Variants in SLC35B2 observed in about 807,000 individuals in gnomAD.
SLC35B2 encodes adenosine 3'-phospho 5'-phosphosulfate transporter 1.
A neutral mutation model predicts 37.9 loss-of-function variants in SLC35B2; 19 were observed. The observed-to-expected ratio is 0.50, with a 90% CI of 0.35 to 0.74. The LOEUF is 0.74. Ranked by LOEUF, SLC35B2 falls within the 30% of genes least tolerant of loss-of-function variation. SLC35B2 has a pLI of 0.01. For synonymous variants in SLC35B2, 277 were observed against 225.2 expected (o/e 1.23, Z -2.06); for missense variants, 633 against 547.6 (o/e 1.16, Z -1.56).
intron 1 of SLC35B2, chr6:44,257,087 C>T: frequency 1.6e-6 from 1 of 630,290 alleles, no homozygotes; most frequent in Non-Finnish European, 2.6e-6. Flanking sequence ...TCCCCGGGGG[C>T]GGATCCGCCC....
At position 44,256,836 on chromosome 6, in the gene SLC35B2, C is replaced by G. The variant is rs766154166; in HGVS notation, c.54G>C (p.Gly18=). The change falls in exon 2 of 4, where the codon GGG becomes GGC. Residue 18 remains glycine, a synonymous_variant. Transcript: ENST00000393812. Reference sequence around the variant, plus strand: ...GGGCTTCGGGAGTCTCCCCACCTGCCCCTAGGGAGGGGAACGCAGCCAGCA... The same window carrying G: ...GGGCTTCGGGAGTCTCCCCACCTGCGCCTAGGGAGGGGAACGCAGCCAGCA... ...VVVLAAFPSL[G]AGGETPEAPP... 6.2e-7 allele frequency: 1 copy of G among 1,611,980 alleles called. No individual in the cohort carries two copies. The highest frequency in any genetic ancestry group is 1.3e-5 in the African/African-American group (1 of 74,764).
rs1781681224 is a variant in SLC35B2 at position 44,257,380 on chromosome 6, G to C, written c.11+20C>G. On this transcript the variant is annotated intron_variant, in intron 1 of 3. Transcript: ENST00000393812. The stretch of plus-strand genomic sequence containing the variant: ...CCCGGGGGCTCGGTCACGTGAGCTC[G>C]CTGCTGCCCTAGCCCCCACCTGGCG... The C allele has an allele frequency of 3.8e-6, 5 of 1,308,210 alleles. No individual in the cohort carries two copies. Among genetic ancestry groups the C allele is most frequent in the Non-Finnish European group, 4.9e-6 (5 of 1,021,660 alleles). The allele number at this position is 1,308,210 out of a possible 1,614,324, so 81.0% of individuals were successfully genotyped here. A position where few individuals can be genotyped will look rare whatever the true frequency, so the allele number is the denominator to read the frequency against.
rs1458014715 is a variant in SLC35B2, at chr6:44,255,275, T to C, written c.730A>G (p.Thr244Ala). The change falls in exon 4 of 4, where the codon ACC (threonine) becomes GCC (alanine). Residue 244 changes from threonine to alanine, a missense_variant. Physicochemically the swap from Thr to Ala is moderately conservative, Grantham distance 58. Transcript: ENST00000393812. ...ATGCTGACCCCAATGGAGATGAGGG[T>C]GGCTGTCAGGTACTCCCAGTGTTCG... Reference protein sequence around the residue: ...SYEHWEYLTATLISIGVSMFL... With the variant: ...SYEHWEYLTAALISIGVSMFL... 6.2e-7 allele frequency: 1 copy of C among 1,614,142 alleles called. No homozygotes were observed. Among genetic ancestry groups the C allele is most frequent in the Admixed American group, 1.7e-5 (1 of 60,022 alleles).
At chr6:44,255,787 C>T (rs1781374386) in intron 3 of SLC35B2, 143 bp from the exon 4 acceptor site, 4 of 786,076 alleles carry the variant, frequency 5.1e-6, no homozygotes, top group South Asian at 1.9e-5. Context: ...GAAGTTTCTT[C>T]TCCCCTCCTA....
chr6:44,255,161 C>T lies in SLC35B2; in HGVS notation c.844G>A (p.Asp282Asn). Residue 282 changes from aspartate to asparagine, a missense_variant, in exon 4 of 4, where the codon GAC (aspartate) becomes AAC (asparagine). Transcript: ENST00000393812. ...TCCTGCCAGTTTGAGGTGAAGCTGTCAAAAGCAATATAACCTGCCAGTAAG... is the reference window on the plus strand; with the variant it reads ...TCCTGCCAGTTTGAGGTGAAGCTGTTAAAAGCAATATAACCTGCCAGTAAG... ...LILLAGYIAF[D>N]SFTSNWQDAL... 5.0e-6 allele frequency: 8 copies of T among 1,614,204 alleles called. No individual in the cohort carries two copies. Among genetic ancestry groups the T allele is most frequent in the Non-Finnish European group, 6.8e-6 (8 of 1,180,038 alleles).
At position 44,256,388 on chromosome 6, in the gene SLC35B2, G is replaced by C; in HGVS notation, c.314C>G (p.Pro105Arg). Reference protein sequence around the residue: ...APRTEAAETTPMWQALKLLFC... With the variant: ...APRTEAAETTRMWQALKLLFC... ...GAGCAGCTTCAGGGCCTGCCACATC[G>C]GGGTGGTCTCTGCCGCCTCTGTTCG... The change falls in exon 3 of 4, where the codon CCG becomes CGG. Residue 105 changes from proline (P) to arginine (R), a missense_variant. By Grantham distance (103) the Pro-to-Arg change is moderately radical. Coordinates refer to ENST00000393812, the MANE Select transcript of SLC35B2 (RefSeq NM_178148.4). 1 of 1,614,142 alleles carries C rather than the reference G, an allele frequency of 6.2e-7. No homozygotes were observed.
intron 3 of SLC35B2, 121 bp downstream of exon 3, chr6:44,256,221 G>A (rs943783578): frequency 5.7e-5 from 74 of 1,299,404 alleles, no homozygotes; most frequent in Admixed American, 2.3e-4. Context: ...GTGTGCCCCT[G>A]GGAGGAGGAC....
chr6:44,254,780 C>T lies in SLC35B2; in HGVS notation c.1225G>A (p.Val409Ile). Residue 409 changes from valine to isoleucine, a missense_variant, in exon 4 of 4, where the codon GTC becomes ATC. Val to Ile is a conservative substitution (Grantham distance 29). Transcript: ENST00000393812. ...AVVFAALLLR[V>I]YARGRLKQRG... is the part of the protein sequence containing the mutation. ...TGCTTTAGACGGCCCCGCGCGTAGA[C>T]TCTGAGCAGGAGGGCAGCAAAGACC... is the stretch of plus-strand genomic sequence containing the variant. 1 of 1,614,030 alleles carries T rather than the reference C, an allele frequency of 6.2e-7. No homozygotes were observed. Among genetic ancestry groups the T allele is most frequent in the South Asian group, 1.1e-5 (1 of 91,084 alleles).
In SLC35B2 at chr6:44,254,296, T is replaced by C. The variant is rs910207493; in HGVS notation, c.*410A>G. On this transcript the variant is annotated 3_prime_UTR_variant, in exon 4 of 4. Coordinates refer to ENST00000393812, the MANE Select transcript of SLC35B2 (RefSeq NM_178148.4). ...TCTTCACCCTCCTGGGAAAGCAGCA[T>C]TGGAGCCTACACCGCTTGTGCTTTT... 5 of 207,352 alleles carry C rather than the reference T, an allele frequency of 2.4e-5. No homozygotes were observed. In the South Asian group the frequency reaches 3.3e-4, roughly 14 times the overall value. The allele number at this position is 207,352 out of a possible 1,614,324, so 12.8% of individuals were successfully genotyped here.
Position 44,257,501 on chromosome 6 carries a change from GGCCAGCGA to G in SLC35B2, c.-99_-92del. On this transcript the variant is annotated 5_prime_UTR_variant, in exon 1 of 4. Transcript: ENST00000393812. ...CGCTCCCGCCGCCGCCTCCAGGAGC[GGCCAGCGA>G]GCCAGCGGCCAGCGGAAGTGCCGCG... 6.7e-6 allele frequency: 8 copies of G among 1,190,716 alleles called. No individual in the cohort carries two copies. The highest frequency in any genetic ancestry group is 8.5e-6 in the Non-Finnish European group (8 of 945,290). The allele number at this position is 1,190,716 out of a possible 1,614,324, so 73.8% of individuals were successfully genotyped here.
rs1338730240 is a variant in SLC35B2, at chr6:44,256,816, T to A, written c.74A>T (p.Glu25Val). 6.2e-7 allele frequency: 1 copy of A among 1,613,972 alleles called. No individual in the cohort carries two copies. The highest frequency in any genetic ancestry group is 1.3e-5 in the African/African-American group (1 of 75,036). ...CTGGGTCCATGACTCCGGAGGGGCT[T>A]CGGGAGTCTCCCCACCTGCCCCTAG... ...PSLGAGGETP[E>V]APPESWTQLW... The change falls in exon 2 of 4, where the codon GAA becomes GTA. Residue 25 changes from glutamate to valine, a missense_variant. Glu to Val is a moderately radical substitution (Grantham distance 121). Transcript: ENST00000393812.
At chr6:44,257,633 G>C (rs1781713303), upstream of SLC35B2, 1 of 212,500 alleles carries the variant, frequency 4.7e-6, no homozygotes, top group Non-Finnish European at 8.6e-6. Context: ...GCGGCCCGGA[G>C]GCAGACGCGG....
chr6:44,254,381 G>A lies in SLC35B2; in HGVS notation c.*325C>T, dbSNP rs1781132838. 5 of 296,350 alleles carry A rather than the reference G, an allele frequency of 1.7e-5. No homozygotes were observed. Among genetic ancestry groups the A allele is most frequent in the Non-Finnish European group, 3.2e-5 (5 of 156,420 alleles). 18.4% of individuals were successfully genotyped at this position (296,350 alleles called of 1,614,324 possible). On this transcript the variant is annotated 3_prime_UTR_variant, in exon 4 of 4. Coordinates refer to ENST00000393812, the MANE Select transcript of SLC35B2 (RefSeq NM_178148.4). ...GGGAGTGAGTCTGGAAGGTGGCAGAGCACAGCTAGGGCAAGACTTAAGGGA... is the reference window on the plus strand; with the variant it reads ...GGGAGTGAGTCTGGAAGGTGGCAGAACACAGCTAGGGCAAGACTTAAGGGA...
At position 44,255,472 on chromosome 6, in the gene SLC35B2, C is replaced by T. The variant is rs780154680; in HGVS notation, c.533G>A (p.Arg178Gln). ...GLSCVLCKQPRHGAPMYRYSF... is the reference protein window; with the variant it reads ...GLSCVLCKQPQHGAPMYRYSF... The stretch of plus-strand genomic sequence containing the variant: ...GTACCGGTACATGGGTGCCCCATGC[C>T]GGGGCTGCTTGCAGAGAACACAGGA... Residue 178 changes from arginine (R) to glutamine (Q), a missense_variant, in exon 4 of 4, where the codon CGG (arginine) becomes CAG (glutamine). Physicochemically the swap from Arg to Gln is conservative, Grantham distance 43. Transcript: ENST00000393812. 28 of 1,614,054 alleles carry T rather than the reference C, an allele frequency of 1.7e-5. No individual in the cohort carries two copies. The highest frequency in any genetic ancestry group is 5.3e-5 in the African/African-American group (4 of 74,912).
Position 44,256,484 on chromosome 6 carries a change from C to G in SLC35B2, c.218G>C (p.Cys73Ser), listed in dbSNP as rs780811273. 8 of 1,614,208 alleles carry G rather than the reference C, an allele frequency of 5.0e-6. No individual in the cohort carries two copies. The highest frequency in any genetic ancestry group is 6.8e-6 in the Non-Finnish European group (8 of 1,180,028). ...CACACAAGCTTTCACCAGGGGAAAGCAGAGGCCCCTACCTGAAGAAAGCAC... is the reference window on the plus strand; with the variant it reads ...CACACAAGCTTTCACCAGGGGAAAGGAGAGGCCCCTACCTGAAGAAAGCAC... ...KNYLETGRGL[C>S]FPLVKACVFG... The change falls in exon 3 of 4, where the codon TGC becomes TCC. Residue 73 changes from cysteine to serine, a missense_variant. Cys to Ser is a moderately radical substitution (Grantham distance 112). Coordinates refer to ENST00000393812, the MANE Select transcript of SLC35B2 (RefSeq NM_178148.4).
rs1307333985 is a variant in SLC35B2, at chr6:44,254,720, C to T, written c.1285G>A (p.Val429Met). ...CCTTTCCACCCTCAAACCTTCTGCA[C>T]AGGAGACTCAACAGGCACAGCCTTC... ...GKKAVPVESP[V>M]QKV is the part of the protein sequence containing the mutation. The change falls in exon 4 of 4, where the codon GTG (valine) becomes ATG (methionine). Residue 429 changes from valine (V) to methionine (M), a missense_variant. Coordinates refer to ENST00000393812, the MANE Select transcript of SLC35B2 (RefSeq NM_178148.4). 1 of 1,611,904 alleles carries T rather than the reference C, an allele frequency of 6.2e-7. No individual in the cohort carries two copies. Among genetic ancestry groups the T allele is most frequent in the Non-Finnish European group, 8.5e-7 (1 of 1,178,350 alleles).
At position 44,255,159 on chromosome 6, in the gene SLC35B2, G is replaced by C; in HGVS notation, c.846C>G (p.Asp282Glu). Residue 282 changes from aspartate to glutamate, a missense_variant, in exon 4 of 4, where the codon GAC becomes GAG. Coordinates refer to ENST00000393812, the MANE Select transcript of SLC35B2 (RefSeq NM_178148.4). ...LILLAGYIAF[D>E]SFTSNWQDAL... Reference sequence around the variant, plus strand: ...CATCCTGCCAGTTTGAGGTGAAGCTGTCAAAAGCAATATAACCTGCCAGTA... The same window carrying C: ...CATCCTGCCAGTTTGAGGTGAAGCTCTCAAAAGCAATATAACCTGCCAGTA... 6.2e-7 allele frequency: 1 copy of C among 1,614,226 alleles called. No homozygotes were observed.
intron 3 of SLC35B2, 82 bp from the exon 4 acceptor site, chr6:44,255,726 A>G (rs936981719): frequency 6.9e-5 from 92 of 1,327,852 alleles, no homozygotes; most frequent in Non-Finnish European, 9.3e-5. Flanking sequence ...TCTCTTCAGG[A>G]TTATGCCTAA....
At position 44,255,713 on chromosome 6, in the gene SLC35B2, C is replaced by T. The variant is rs527943697; in HGVS notation, c.361-69G>A. 1.9e-4 allele frequency: 271 copies of T among 1,444,866 alleles called. 1 individual carries two copies. Among genetic ancestry groups the T allele is most frequent in the African/African-American group, 7.8e-4 (55 of 70,822 alleles). The allele number at this position is 1,444,866 out of a possible 1,614,324, so 89.5% of individuals were successfully genotyped here. A position where few individuals can be genotyped will look rare whatever the true frequency, so the allele number is the denominator to read the frequency against. On this transcript the variant is annotated intron_variant, in intron 3 of 3. Transcript: ENST00000393812. ...TGAAAAGGTAGACAAAAATTGACCT[C>T]TCTCTCTTCAGGATTATGCCTAAGT...
Sources: gnomAD v4.1 joint callset for allele counts on GRCh38, gnomAD v4.1.1 for gene constraint, MANE v1.5 for transcripts, NCBI Gene and HGNC (gene_info 2026-07-23, HGNC 2026-07-21) for gene names.